The following SURF4 variants were observed in gnomAD, a reference collection of about 807,000 sequenced individuals.
SURF4 encodes the protein surfeit 4, also known as surfeit locus protein 4.
Under a neutral mutation model 30.0 loss-of-function variants are expected in SURF4, and 3 were observed. That is an observed-to-expected ratio of 0.10 (90% CI 0.05 to 0.26). SURF4 has a LOEUF of 0.26. SURF4 is among the 10% of genes least tolerant of loss of function. The probability of loss-of-function intolerance (pLI) is 1.00; values close to 1 mark genes in which losing one functional copy is unlikely to be tolerated. For synonymous variants in SURF4, 143 were observed against 139.9 expected (o/e 1.02, Z -0.16); for missense variants, 217 against 350.8 (o/e 0.62, Z 3.05).
chr9:133,368,915 G>C (rs1837339316), intron 1 of SURF4, among the ~76,000 whole-genome samples: 1 of 152,244 alleles, frequency 6.6e-6, no homozygotes, highest in Non-Finnish European at 1.5e-5. Context: ...CCCACGGGAG[G>C]CGAGCGAACG....
intron 1 of SURF4, among the ~76,000 whole-genome samples, chr9:133,374,907 C>G (rs1019842249): frequency 1.3e-5 from 2 of 152,114 alleles, no homozygotes; most frequent in Non-Finnish European, 2.9e-5. Context: ...ATTTAACCAT[C>G]ACTACTTAAA....
At chr9:133,376,061 G>A (rs2130244757), upstream of SURF4, 13 of 1,208,380 alleles carry the variant, frequency 1.1e-5, no homozygotes, top group Admixed American at 1.8e-4. Context: ...CACAGGAAGT[G>A]CCCGGCGGCC....
At chr9:133,368,412 C>G (rs1008066373) in intron 1 of SURF4, among the ~76,000 whole-genome samples, 8 of 152,232 alleles carry the variant, frequency 5.3e-5, no homozygotes, top group African/African-American at 1.9e-4. Context: ...GCTTCCCAGC[C>G]CGACGGAGCT....
chr9:133,365,874 C>T lies in SURF4; in HGVS notation c.356+111G>A, dbSNP rs1214913108. On this transcript the variant is annotated intron_variant, in intron 4 of 5. Coordinates refer to ENST00000371989, the MANE Select transcript of SURF4 (RefSeq NM_033161.4). ...TGCTCCAATGAGCACTTCCTTTGAG[C>T]GTCATGTTGGTGCCCAAGATTTTTC... The T allele has an allele frequency of 1.3e-5, 14 of 1,096,806 alleles. No homozygotes were observed. In the African/African-American group the frequency reaches 1.6e-4, roughly 12 times the overall value. The allele number at this position is 1,096,806 out of a possible 1,614,324, so 67.9% of individuals were successfully genotyped here.
intron 1 of SURF4, among the ~76,000 whole-genome samples, chr9:133,368,033 T>C (rs978274697): frequency 5.9e-5 from 9 of 152,238 alleles, no homozygotes; most frequent in Non-Finnish European, 1.3e-4. Flanking sequence ...ACCGCTGCAC[T>C]TTGCCAGGCA....
rs2130187086 is a variant in SURF4 at position 133,371,227 on chromosome 9, G to C, written c.49-3782C>G. 13 of 715,454 alleles carry C rather than the reference G, an allele frequency of 1.8e-5. No homozygotes were observed. The African/African-American group carries it at 2.3e-4, about 13-fold the overall frequency. The allele number at this position is 715,454 out of a possible 1,614,324, so 44.3% of individuals were successfully genotyped here. On this transcript the variant is annotated intron_variant, in intron 1 of 5. Transcript: ENST00000371989. ...CGAAAAAGGCAGGTCAGATTTCCTT[G>C]ATCACCAAGGACTGGGGCTGCCTTG...
chr9:133,366,219 GT>G (rs1198484055), intron 3 of SURF4, 191 bp from the exon 4 acceptor site: 8 of 610,762 alleles, frequency 1.3e-5, no homozygotes, highest in African/African-American at 3.7e-5. Flanking sequence ...GTGCTATGAT[GT>G]TCCAGAGAAC....
At chr9:133,375,852 G>A (rs1391460515) in intron 1 of SURF4, 70 bp downstream of exon 1, 4 of 1,206,860 alleles carry the variant, frequency 3.3e-6, no homozygotes, top group African/African-American at 1.6e-5. Flanking sequence ...TGCGCTGGGA[G>A]GCCGACTCCG....
At chr9:133,364,247 A>AG in intron 5 of SURF4, among the ~76,000 whole-genome samples, 1 of 152,314 alleles carries the variant, frequency 6.6e-6, no homozygotes, top group African/African-American at 2.4e-5. Flanking sequence ...GAGGAAAGAA[A>AG]GAAGAGTAAG....
At chr9:133,373,747 G>C (rs1261805736) in intron 1 of SURF4, among the ~76,000 whole-genome samples, 1 of 150,282 alleles carries the variant, frequency 6.7e-6, no homozygotes, top group East Asian at 2.0e-4. Flanking sequence ...GGGAAACCCC[G>C]TCTCAACTAA....
chr9:133,372,929 A>G (rs988773852), intron 1 of SURF4, among the ~76,000 whole-genome samples: 1 of 152,210 alleles, frequency 6.6e-6, no homozygotes, highest in African/African-American at 2.4e-5. Flanking sequence ...TGCCCACAAA[A>G]GGGCATGGAA....
At chr9:133,365,048 T>C (rs1243702103) in intron 4 of SURF4, 22 bp from the exon 5 acceptor site, 1 of 1,507,374 alleles carries the variant, frequency 6.6e-7, no homozygotes, top group Non-Finnish European at 8.9e-7. Flanking sequence ...ATATGTGGGC[T>C]GGAAGCTAAG....
intron 3 of SURF4, 76 bp downstream of exon 3, chr9:133,366,523 C>A: frequency 1.3e-6 from 2 of 1,503,430 alleles, no homozygotes; most frequent in Admixed American, 1.7e-5. Flanking sequence ...GACACTGAAC[C>A]CTCAAGGATG....
intron 1 of SURF4, among the ~76,000 whole-genome samples, chr9:133,368,873 C>T (rs1481776164): frequency 2.0e-5 from 3 of 152,220 alleles, no homozygotes; most frequent in African/African-American, 7.2e-5. Context: ...TGTTGGGAAG[C>T]CAGAGTCTAA....
rs2130094908 is a variant in SURF4 at position 133,363,863 on chromosome 9, A to T, written c.544-104T>A. 81 of 1,422,910 alleles carry T rather than the reference A, an allele frequency of 5.7e-5. 1 individual carries two copies. The highest frequency in any genetic ancestry group is 1.7e-4 in the Admixed American group (9 of 54,224). The allele number at this position is 1,422,910 out of a possible 1,614,324, so 88.1% of individuals were successfully genotyped here. On this transcript the variant is annotated intron_variant, in intron 5 of 5. Coordinates refer to ENST00000371989, the MANE Select transcript of SURF4 (RefSeq NM_033161.4). The surrounding 1 kb of genome is among the most constrained non-coding windows in gnomAD (Gnocchi z 4.3). ...GCACGTCATGAAGTCTCTATCCATCAGGCTGATGTAGCTACTGCTGAGACG... is the reference window on the plus strand; with the variant it reads ...GCACGTCATGAAGTCTCTATCCATCTGGCTGATGTAGCTACTGCTGAGACG...
chr9:133,370,781 C>T (rs1837458579), intron 1 of SURF4: 4 of 993,470 alleles, frequency 4.0e-6, no homozygotes, highest in Non-Finnish European at 5.6e-6. Context: ...AAACTTGTGA[C>T]AGTCCCCCTC....
Position 133,376,036 on chromosome 9 carries a change from A to G in SURF4, c.-67T>C. 1 of 1,164,508 alleles carries G rather than the reference A, an allele frequency of 8.6e-7. No homozygotes were observed. The allele number at this position is 1,164,508 out of a possible 1,614,324, so 72.1% of individuals were successfully genotyped here. A position where few individuals can be genotyped will look rare whatever the true frequency, so the allele number is the denominator to read the frequency against. On this transcript the variant is annotated 5_prime_UTR_variant, in exon 1 of 6. Transcript: ENST00000371989. The stretch of plus-strand genomic sequence containing the variant: ...CTGGCTCTCGCCCGTCGGCGCCCGC[A>G]CCCGCTGCGGCCTCCACAGGAAGTG...
At chr9:133,364,700 A>AG (rs1837055467) in intron 5 of SURF4, 140 bp downstream of exon 5, 1 of 816,394 alleles carries the variant, frequency 1.2e-6, no homozygotes, top group East Asian at 2.7e-5. Flanking sequence ...CAAAAAAAAA[A>AG]AAAAAAAAGT....
intron 1 of SURF4, 132 bp downstream of exon 1, chr9:133,375,790 G>A (rs1588727549): frequency 1.1e-6 from 1 of 937,078 alleles, no homozygotes; most frequent in East Asian, 3.6e-5. Flanking sequence ...CCCGGGCGGG[G>A]GGGTCCCCCT....
Sources: gnomAD v4.1 joint callset for allele counts (sites outside exome capture counted in the v4.1 genomes callset) on GRCh38, gnomAD v4.1.1 for gene constraint, Gnocchi (gnomAD v3.1) non-coding constraint, MANE v1.5 for transcripts, NCBI Gene and HGNC (gene_info 2026-07-23, HGNC 2026-07-21) for gene names.